Variants in EPHA6 observed in about 807,000 individuals in gnomAD.
The protein encoded by EPHA6 is ephrin type-A receptor 6.
In EPHA6, 50 loss-of-function variants were observed where a neutral mutation model predicts 112.0. The observed-to-expected ratio is 0.45, with a 90% CI of 0.36 to 0.56. The LOEUF (loss-of-function observed/expected upper bound fraction) is 0.56, where lower values mean the gene tolerates loss of function less well. EPHA6 is among the 20% of genes least tolerant of loss of function. EPHA6 has a pLI of 0.00. For synonymous variants in EPHA6, 529 were observed against 490.7 expected (o/e 1.08, Z -1.03); for missense variants, 1,280 against 1,417.4 (o/e 0.90, Z 1.56).
chr3:96,837,957 T>G (rs1171054553), intron 1 of EPHA6, among the ~76,000 whole-genome samples: 1 of 152,090 alleles, frequency 6.6e-6, no homozygotes, highest in Non-Finnish European at 1.5e-5. Context: ...GGTGTTTTGC[T>G]TCACAGATCA....
intron 3 of EPHA6, among the ~76,000 whole-genome samples, chr3:97,148,904 A>T (rs771976019): frequency 3.9e-5 from 6 of 152,026 alleles, no homozygotes; most frequent in Non-Finnish European, 8.8e-5. Context: ...CCTTTCATTA[A>T]TGTTTTGCTG....
chr3:97,146,031 G>T (rs766084119), intron 3 of EPHA6, among the ~76,000 whole-genome samples: 1 of 151,370 alleles, frequency 6.6e-6, no homozygotes, highest in Non-Finnish European at 1.5e-5. Flanking sequence ...ATTTTTATTT[G>T]AAACTAAATG....
intron 3 of EPHA6, among the ~76,000 whole-genome samples, chr3:97,177,154 A>G (rs1394337401): frequency 6.6e-6 from 1 of 151,916 alleles, no homozygotes; most frequent in African/African-American, 2.4e-5. Flanking sequence ...TCTGGAGCAT[A>G]TAGTTTAATT....
intron 5 of EPHA6, among the ~76,000 whole-genome samples, chr3:97,273,914 G>A (rs543313853): frequency 6.6e-6 from 1 of 152,232 alleles, no homozygotes. Flanking sequence ...TCTGACTCGG[G>A]GCATGTGAGT....
chr3:97,243,606 A>G (rs1280453347), intron 4 of EPHA6, among the ~76,000 whole-genome samples: 11 of 151,948 alleles, frequency 7.2e-5, no homozygotes, highest in Admixed American at 7.2e-4. Flanking sequence ...TATAATTAAT[A>G]AGATGTAATT....
At chr3:96,877,277 C>T (rs534086277) in intron 2 of EPHA6, among the ~76,000 whole-genome samples, 3 of 151,974 alleles carry the variant, frequency 2.0e-5, no homozygotes, top group Non-Finnish European at 4.4e-5. Flanking sequence ...CATTTGCTCT[C>T]ATTTTTTGTA....
At chr3:97,569,589 A>G (rs1381442801) in intron 11 of EPHA6, among the ~76,000 whole-genome samples, 1 of 152,180 alleles carries the variant, frequency 6.6e-6, no homozygotes, top group Non-Finnish European at 1.5e-5. Flanking sequence ...CTGAACATAT[A>G]TTTATATTAT....
At chr3:97,640,731 G>A (rs1171268642) in intron 14 of EPHA6, among the ~76,000 whole-genome samples, 1 of 151,926 alleles carries the variant, frequency 6.6e-6, no homozygotes, top group South Asian at 2.1e-4. Flanking sequence ...GATGAACTGA[G>A]ATCATGCCAT....
chr3:97,258,663 T>C (rs1398228779), intron 5 of EPHA6, among the ~76,000 whole-genome samples: 6 of 152,164 alleles, frequency 3.9e-5, no homozygotes, highest in African/African-American at 1.4e-4. Context: ...AGTTTCATCA[T>C]GTATAGAGAT....
intron 7 of EPHA6, among the ~76,000 whole-genome samples, chr3:97,451,617 G>C: frequency 6.7e-6 from 1 of 149,414 alleles, no homozygotes; most frequent in Non-Finnish European, 1.5e-5. Flanking sequence ...AAACTGGTTA[G>C]CTTTAAATAG....
chr3:97,167,311 G>A (rs560724515), intron 3 of EPHA6, among the ~76,000 whole-genome samples: 1 of 152,164 alleles, frequency 6.6e-6, no homozygotes, highest in South Asian at 2.1e-4. Context: ...ATCACAAAGG[G>A]AAACAGATGC....
chr3:97,737,260 G>A lies in EPHA6; in HGVS notation c.3128+1142G>A, dbSNP rs180962328. On this transcript the variant is annotated intron_variant, in intron 16 of 17. Coordinates refer to ENST00000389672, the MANE Select transcript of EPHA6 (RefSeq NM_001080448.3). ...TTAAGCAAGGGAACAGCATGATTAC[G>A]TTTGCATTTCTGAAAGATCACTCTA... Among the ~76,000 whole-genome samples the A allele has an allele frequency of 5.0e-4, 76 of 152,094 alleles. 1 individual carries two copies. In the East Asian group the frequency reaches 0.011, roughly 22 times the overall value.
Position 97,758,724 on chromosome 3 carries a change from G to A in EPHA6, c.*10023G>A, listed in dbSNP as rs1346346429. Among the ~76,000 whole-genome samples the A allele has an allele frequency of 6.6e-6, 1 of 151,902 alleles. No individual in the cohort carries two copies. Among genetic ancestry groups the A allele is most frequent in the Non-Finnish European group, 1.5e-5 (1 of 67,878 alleles). On this transcript the variant is annotated 3_prime_UTR_variant, in exon 18 of 18. Coordinates refer to ENST00000389672, the MANE Select transcript of EPHA6 (RefSeq NM_001080448.3). ...CCCCCAAGGACATGCCATTTAAACT[G>A]ATATCTGAAAAGCATGAAGGAAGCA...
intron 5 of EPHA6, among the ~76,000 whole-genome samples, chr3:97,311,155 C>G (rs991126742): frequency 1.3e-5 from 2 of 151,646 alleles, no homozygotes; most frequent in African/African-American, 4.8e-5. Flanking sequence ...CTTCTCCATG[C>G]TGAAACATGG....
At chr3:97,106,379 C>T (rs1324630022) in intron 3 of EPHA6, among the ~76,000 whole-genome samples, 1 of 151,900 alleles carries the variant, frequency 6.6e-6, no homozygotes, top group Non-Finnish European at 1.5e-5. Context: ...GGTTTACAAG[C>T]ACATCCTTAT....
intron 2 of EPHA6, among the ~76,000 whole-genome samples, chr3:96,968,534 T>G (rs2042208303): frequency 1.3e-5 from 2 of 151,682 alleles, no homozygotes; most frequent in African/African-American, 2.4e-5. Context: ...GAATTAACAT[T>G]TAATCATTTT....
chr3:96,946,993 A>G (rs2041298623), intron 2 of EPHA6, among the ~76,000 whole-genome samples: 1 of 148,636 alleles, frequency 6.7e-6, no homozygotes, highest in Non-Finnish European at 1.5e-5. Flanking sequence ...GTGTCTGTTC[A>G]TATCCTTCGC....
intron 2 of EPHA6, among the ~76,000 whole-genome samples, chr3:96,949,296 A>T (rs1383847908): frequency 6.6e-6 from 1 of 152,182 alleles, no homozygotes; most frequent in Non-Finnish European, 1.5e-5. Context: ...AGCTATTAGT[A>T]GCAAAAGGTG....
chr3:97,168,656 C>G (rs1461671578), intron 3 of EPHA6, among the ~76,000 whole-genome samples: 1 of 151,408 alleles, frequency 6.6e-6, no homozygotes, highest in Non-Finnish European at 1.5e-5. Context: ...TGAAGATGTG[C>G]TTGCTTCTCC....
Sources: allele counts gnomAD v4.1 joint callset (sites outside exome capture counted in the v4.1 genomes callset), GRCh38; gene constraint gnomAD v4.1.1; transcripts MANE v1.5; gene names NCBI Gene and HGNC (gene_info 2026-07-23, HGNC 2026-07-21).